IPO9: variants seen among roughly 807,000 people sequenced by gnomAD.
The protein encoded by IPO9 is importin-9.
Under a neutral mutation model 128.6 loss-of-function variants are expected in IPO9, and 28 were observed. The ratio of observed to expected loss-of-function variants is 0.22; its 90% CI spans 0.16 to 0.30. The LOEUF (loss-of-function observed/expected upper bound fraction) is 0.30. Among genes scored for constraint, IPO9 ranks in the 10% least tolerant of loss-of-function variants. The pLI is 1.00. For missense variants in IPO9, 935 were observed against 1,293.9 expected (o/e 0.72, Z 4.26); for synonymous variants, 455 against 475.8 (o/e 0.96, Z 0.57).
At chr1:201,863,138 G>A (rs1011703597) in intron 13 of IPO9, among the ~76,000 whole-genome samples, 3 of 152,106 alleles carry the variant, frequency 2.0e-5, no homozygotes, top group African/African-American at 7.2e-5. Context: ...ATCACTTGAG[G>A]TCCAGAGTTT....
chr1:201,851,745 A>C (rs1397912557), intron 4 of IPO9, among the ~76,000 whole-genome samples: 1 of 152,212 alleles, frequency 6.6e-6, no homozygotes, highest in Non-Finnish European at 1.5e-5. Flanking sequence ...GAAACCTCGA[A>C]GTGTAACTGA....
At position 201,871,308 on chromosome 1, in the gene IPO9, C is replaced by G; in HGVS notation, c.2557C>G (p.Gln853Glu). Residue 853 changes from glutamine (Q) to glutamate (E), a missense_variant, in exon 19 of 24, where the codon CAG becomes GAG. By Grantham distance (29) the Gln-to-Glu change is conservative. Transcript: ENST00000361565. ...WTSRQHLFYG[Q>E]YEGKVSSVAL... is the part of the protein sequence containing the mutation. ...AAGCCGACAGCACCTGTTCTATGGA[C>G]AGTATGAAGGCAAAGTCAGGTAGAA... The G allele has an allele frequency of 6.6e-7, 1 of 1,507,340 alleles. No homozygotes were observed. Among genetic ancestry groups the G allele is most frequent in the South Asian group, 1.1e-5 (1 of 89,648 alleles). The allele number at this position is 1,507,340 out of a possible 1,614,324, so 93.4% of individuals were successfully genotyped here. A position where few individuals can be genotyped will look rare whatever the true frequency, so the allele number is the denominator to read the frequency against.
At chr1:201,851,705 C>T (rs1039615334) in intron 4 of IPO9, among the ~76,000 whole-genome samples, 3 of 151,992 alleles carry the variant, frequency 2.0e-5, no homozygotes, top group Non-Finnish European at 4.4e-5. Context: ...GCTTGCCAAG[C>T]GAAAGTACTG....
intron 11 of IPO9, among the ~76,000 whole-genome samples, chr1:201,858,121 A>G (rs1680369204): frequency 6.6e-6 from 1 of 152,200 alleles, no homozygotes; most frequent in African/African-American, 2.4e-5. Flanking sequence ...TTATTTTTCT[A>G]TCATCAGTCT....
rs765773504 is a variant in IPO9 at position 201,852,085 on chromosome 1, AC to A, written c.515-18del. The A allele has an allele frequency of 6.7e-7, 1 of 1,502,322 alleles. No individual in the cohort carries two copies. Among genetic ancestry groups the A allele is most frequent in the Non-Finnish European group, 9.2e-7 (1 of 1,082,028 alleles). 93.1% of individuals were successfully genotyped at this position (1,502,322 alleles called of 1,614,324 possible). The stretch of plus-strand genomic sequence containing the variant: ...GAAGCAGTATTTTTTTTTTAACAGT[AC>A]TACTTTTTTCTTTGTAGAATTCACT... On this transcript the variant is annotated intron_variant, in intron 4 of 23. Coordinates refer to ENST00000361565, the MANE Select transcript of IPO9 (RefSeq NM_018085.5).
intron 4 of IPO9, among the ~76,000 whole-genome samples, chr1:201,850,211 C>T (rs918292717): frequency 6.6e-6 from 1 of 152,196 alleles, no homozygotes; most frequent in African/African-American, 2.4e-5. Flanking sequence ...AATGGAGTCA[C>T]CAGACATGGA....
intron 1 of IPO9, among the ~76,000 whole-genome samples, chr1:201,833,325 G>A (rs548505069): frequency 1.3e-4 from 20 of 150,784 alleles, no homozygotes; most frequent in Non-Finnish European, 2.7e-4. Context: ...TGCAACATCC[G>A]CCTCCTAGAT....
intron 17 of IPO9, 134 bp downstream of exon 17, chr1:201,869,852 A>C: frequency 8.6e-7 from 1 of 1,165,184 alleles, no homozygotes; most frequent in Non-Finnish European, 1.2e-6. Context: ...TAGCAGATTC[A>C]GGAAGGGTTC....
intron 1 of IPO9, among the ~76,000 whole-genome samples, chr1:201,838,317 A>C (rs1679977917): frequency 6.6e-6 from 1 of 152,202 alleles, no homozygotes; most frequent in Non-Finnish European, 1.5e-5. Context: ...TTTCTCCTTT[A>C]AATGGATTTC....
intron 11 of IPO9, 36 bp downstream of exon 11, chr1:201,857,230 T>A: frequency 7.6e-7 from 1 of 1,315,114 alleles, no homozygotes; most frequent in Admixed American, 1.7e-5. Flanking sequence ...ACATAATTTC[T>A]ATCAGTCACT....
At position 201,852,054 on chromosome 1, in the gene IPO9, C is replaced by T. The variant is rs116255860; in HGVS notation, c.515-50C>T. On this transcript the variant is annotated intron_variant, in intron 4 of 23. Transcript: ENST00000361565. ...GTTCAGAAAATATCACACTTAATAT[C>T]TTTATGAAGCAGTATTTTTTTTTTA... The T allele has an allele frequency of 4.7e-5, 55 of 1,179,434 alleles. No individual in the cohort carries two copies. In the African/African-American group the frequency reaches 6.2e-4, roughly 13 times the overall value. The allele number at this position is 1,179,434 out of a possible 1,614,324, so 73.1% of individuals were successfully genotyped here.
chr1:201,835,603 A>G (rs1294608394), intron 1 of IPO9, among the ~76,000 whole-genome samples: 2 of 152,270 alleles, frequency 1.3e-5, no homozygotes, highest in African/African-American at 4.8e-5. Context: ...TAACAAAAAT[A>G]GCTTTAGAAA....
chr1:201,859,167 G>T lies in IPO9; in HGVS notation c.1468+173G>T, dbSNP rs192686471. Among the ~76,000 whole-genome samples the T allele has an allele frequency of 2.1e-3, 147 of 70,690 alleles. 3 individuals carry two copies. Among genetic ancestry groups the T allele is most frequent in the African/African-American group, 6.9e-3 (136 of 19,802 alleles). The allele number at this position is 70,690 out of a possible 152,430, so 46.4% of individuals were successfully genotyped here. On this transcript the variant is annotated intron_variant, in intron 13 of 23. Transcript: ENST00000361565. The stretch of plus-strand genomic sequence containing the variant: ...CTGCACATTGTGTACATGTACCCTA[G>T]AACTCAAAGTATAATATATATATAT...
chr1:201,865,204 T>C (rs1048255267), intron 14 of IPO9, among the ~76,000 whole-genome samples: 1 of 147,794 alleles, frequency 6.8e-6, no homozygotes, highest in African/African-American at 2.6e-5. Context: ...TTTTTCTTTT[T>C]TTTTTTTTTT....
At chr1:201,845,023 G>T (rs952828418) in intron 1 of IPO9, among the ~76,000 whole-genome samples, 3 of 140,430 alleles carry the variant, frequency 2.1e-5, no homozygotes, top group Non-Finnish European at 4.9e-5. Context: ...ATTTTTTTTG[G>T]GAGGGGGGGG....
intron 23 of IPO9, 127 bp downstream of exon 23, chr1:201,875,355 C>T: frequency 1.2e-6 from 1 of 829,450 alleles, no homozygotes; most frequent in South Asian, 1.4e-5. Context: ...TTTGGGAGGT[C>T]AAGGCGGGAG....
At chr1:201,835,171 C>T (rs1679901887) in intron 1 of IPO9, 2 of 152,260 alleles carry the variant, frequency 1.3e-5, no homozygotes, top group Non-Finnish European at 1.5e-5. Flanking sequence ...AAACCGCATC[C>T]TTCTCCAACA....
At chr1:201,841,207 A>G (rs983548769) in intron 1 of IPO9, among the ~76,000 whole-genome samples, 5 of 152,206 alleles carry the variant, frequency 3.3e-5, no homozygotes, top group African/African-American at 9.6e-5. Context: ...AGTATTTACA[A>G]ATAGTAAAAT....
At position 201,856,129 on chromosome 1, in the gene IPO9, C is replaced by CTTTTT. The variant is rs35980892; in HGVS notation, c.1122+210_1122+214dup. ...TTTTGGAGTTCACCACCATACCTGG[C>CTTTTT]TTTTTTTTTTTTTTTTTTTCCCAGC... On this transcript the variant is annotated intron_variant, in intron 10 of 23. Transcript: ENST00000361565. 1.6e-5 allele frequency among the ~76,000 whole-genome samples: 2 copies of CTTTTT among 123,150 alleles called. 1 individual carries two copies. The highest frequency in any genetic ancestry group is 6.1e-5 in the African/African-American group (2 of 32,838). The allele number at this position is 123,150 out of a possible 152,430, so 80.8% of individuals were successfully genotyped here.
Sources: allele counts gnomAD v4.1 joint callset (sites outside exome capture counted in the v4.1 genomes callset), GRCh38; gene constraint gnomAD v4.1.1; transcripts MANE v1.5; gene names NCBI Gene and HGNC (gene_info 2026-07-23, HGNC 2026-07-21).